Variants in UMODL1 observed in about 807,000 individuals in gnomAD.
UMODL1 encodes the protein uromodulin like 1, also known as uromodulin-like 1.
UMODL1 carries 128 observed loss-of-function variants against 136.3 expected under a neutral mutation model. That is an observed-to-expected ratio of 0.94 (90% CI 0.81 to 1.09). UMODL1 has a LOEUF of 1.09. UMODL1 is among the 50% of genes least tolerant of loss of function. UMODL1 has a pLI of 0.00. For missense variants in UMODL1, 1,766 were observed against 1,725.6 expected, an observed-to-expected ratio of 1.02 and a Z score of -0.41; for synonymous variants, 721 against 720.0, an observed-to-expected ratio of 1.00 and a Z score of -0.02.
chr21:42,121,032 G>A, intron 15 of UMODL1, 55 bp from the exon 16 acceptor site: 2 of 1,571,842 alleles, frequency 1.3e-6, no homozygotes, highest in African/African-American at 1.4e-5. Context: ...AGGCTGCTGT[G>A]AGACCACAAG....
chr21:42,102,177 T>C lies in UMODL1; in HGVS notation c.1198T>C (p.Phe400Leu). The part of the protein sequence containing the change: ...TLTIKTNAQV[F>L]EVTIKIVNHN... ...ACTGTCTGTCTCAGATGCCCAGGTATTTGAAGTCACAATAAAGATTGTAAA... is the reference window on the plus strand; with the variant it reads ...ACTGTCTGTCTCAGATGCCCAGGTACTTGAAGTCACAATAAAGATTGTAAA... Residue 400 changes from phenylalanine to leucine, a missense_variant, in exon 8 of 23, where the codon TTT (phenylalanine) becomes CTT (leucine). Physicochemically the swap from Phe to Leu is conservative, Grantham distance 22 (BLOSUM62 0). Transcript: ENST00000408910. The C allele has an allele frequency of 1.2e-6, 2 of 1,612,520 alleles. No homozygotes were observed. The highest frequency in any genetic ancestry group is 1.7e-6 in the Non-Finnish European group (2 of 1,178,960).
intron 2 of UMODL1, among the ~76,000 whole-genome samples, chr21:42,078,224 T>C: frequency 1.2e-5 from 1 of 86,360 alleles, no homozygotes. Flanking sequence ...GAGCAACACC[T>C]CCATCACCAA....
At chr21:42,090,532 A>C in intron 6 of UMODL1, 94 bp downstream of exon 6, 6 of 1,445,094 alleles carry the variant, frequency 4.2e-6, no homozygotes, top group South Asian at 1.3e-5. Context: ...TGCAGCATTC[A>C]CCCCGAGATA....
At chr21:42,128,496 C>T (rs767128988) in intron 20 of UMODL1, among the ~76,000 whole-genome samples, 9 of 138,426 alleles carry the variant, frequency 6.5e-5, no homozygotes, top group Non-Finnish European at 1.1e-4. Context: ...TTCCTGCTCT[C>T]ATCTGAGCTG....
At chr21:42,140,675 C>A (rs962618858) in intron 22 of UMODL1, among the ~76,000 whole-genome samples, 3 of 145,294 alleles carry the variant, frequency 2.1e-5, no homozygotes, top group Admixed American at 6.9e-5. Context: ...AGTGGGGACA[C>A]CAGGTGTCCC....
At chr21:42,089,208 A>G (rs1258746355) in intron 5 of UMODL1, among the ~76,000 whole-genome samples, 1 of 152,214 alleles carries the variant, frequency 6.6e-6, no homozygotes, top group Admixed American at 6.5e-5. Flanking sequence ...AGCAGGAGGC[A>G]GCCAGGCTAG....
At chr21:42,113,882 A>G (rs939341285) in intron 13 of UMODL1, 52 bp downstream of exon 13, 3 of 1,579,612 alleles carry the variant, frequency 1.9e-6, no homozygotes, top group Non-Finnish European at 2.6e-6. Context: ...TATGAAAAAG[A>G]CTTTCTGTGG....
chr21:42,067,816 G>A (rs2066195532), upstream of UMODL1, among the ~76,000 whole-genome samples: 1 of 152,234 alleles, frequency 6.6e-6, no homozygotes, highest in African/African-American at 2.4e-5. Context: ...CCAACCCCAG[G>A]CCGCACCCTC....
Position 42,102,148 on chromosome 21 carries a change from T to A in UMODL1, c.1187-18T>A, listed in dbSNP as rs771243398. On this transcript the variant is annotated intron_variant, in intron 7 of 22. Coordinates refer to ENST00000408910, the MANE Select transcript of UMODL1 (RefSeq NM_001004416.3). ...TGACTTTTGACCACAGGCTAATTTG[T>A]TTCACTGTCTGTCTCAGATGCCCAG... is the stretch of plus-strand genomic sequence containing the variant. The A allele has an allele frequency of 2.5e-6, 4 of 1,588,142 alleles. No individual in the cohort carries two copies. The South Asian group carries it at 3.3e-5, about 13-fold the overall frequency.
At position 42,099,910 on chromosome 21, in the gene UMODL1, G is replaced by A. The variant is rs1326361885; in HGVS notation, c.1186+730G>A. Among the ~76,000 whole-genome samples, 2 of 152,106 alleles carry A rather than the reference G, an allele frequency of 1.3e-5. No homozygotes were observed. On this transcript the variant is annotated intron_variant, in intron 7 of 22. Transcript: ENST00000408910. This position sits in a 1 kb window ranked among gnomAD's most constrained non-coding sequence, Gnocchi z 4.1. ...TGCTCAGGCTGGTGTCAAACTCCTG[G>A]GCTCAAGTGATCTCAGGAGGCAACT...
chr21:42,127,042 G>A lies in UMODL1; in HGVS notation c.3330G>A (p.Gly1110=), dbSNP rs202144748. The stretch of plus-strand genomic sequence containing the variant: ...TCATCGAGGACCTCCACGGCGCTGG[G>A]AATTTTGTTACCGAAATGCAGTTGT... ...YTIIEDLHGA[G]NFVTEMQLFI... is the part of the protein sequence containing the mutation. Residue 1110 remains glycine, a synonymous_variant, in exon 19 of 23, where the codon GGG becomes GGA. Transcript: ENST00000408910. The A allele has an allele frequency of 2.1e-5, 34 of 1,614,190 alleles. No homozygotes were observed. Among genetic ancestry groups the A allele is most frequent in the Non-Finnish European group, 2.7e-5 (32 of 1,180,032 alleles).
chr21:42,121,039 C>G (rs778979845), intron 15 of UMODL1, 48 bp from the exon 16 acceptor site: 2 of 1,576,302 alleles, frequency 1.3e-6, no homozygotes, highest in African/African-American at 1.4e-5. Context: ...TGTGAGACCA[C>G]AAGCCCCCAG....
intron 2 of UMODL1, among the ~76,000 whole-genome samples, chr21:42,082,761 C>T (rs1452309839): frequency 3.9e-5 from 6 of 152,202 alleles, no homozygotes; most frequent in South Asian, 2.1e-4. Context: ...TCTGCGGCAT[C>T]GGGCACACGC....
At chr21:42,069,093 G>A (rs773222495), upstream of UMODL1, among the ~76,000 whole-genome samples, 1 of 152,236 alleles carries the variant, frequency 6.6e-6, no homozygotes, top group African/African-American at 2.4e-5. Context: ...GTGGGTTACA[G>A]TATGGGGTTG....
intron 18 of UMODL1, 60 bp downstream of exon 18, chr21:42,126,550 G>C: frequency 2.5e-6 from 4 of 1,611,096 alleles, no homozygotes; most frequent in Non-Finnish European, 3.4e-6. Flanking sequence ...CCTGCGCTTT[G>C]AGAGTTCTTT....
In UMODL1 at chr21:42,093,996, T is replaced by C; in HGVS notation, c.931+3558T>C. 3 of 455,284 alleles carry C rather than the reference T, an allele frequency of 6.6e-6. 1 individual carries two copies. In the Middle Eastern group the frequency reaches 9.8e-4, roughly 149 times the overall value. The allele number at this position is 455,284 out of a possible 1,614,324, so 28.2% of individuals were successfully genotyped here. A position where few individuals can be genotyped will look rare whatever the true frequency, so the allele number is the denominator to read the frequency against. ...GCTTCCAGGGTGAGAATCCTGTCCC[T>C]TTCGTGAGCACAGAAGGTTGGAAAA... is the stretch of plus-strand genomic sequence containing the variant. On this transcript the variant is annotated intron_variant, in intron 6 of 22. Transcript: ENST00000408910.
chr21:42,116,172 CAAAAAAAAA>C (rs56162491), intron 14 of UMODL1, among the ~76,000 whole-genome samples, 187 bp downstream of exon 14: 150 of 75,052 alleles, frequency 2.0e-3, no homozygotes, highest in African/African-American at 7.8e-3. Context: ...CCATCTCCAC[CAAAAAAAAA>C]AAAAAAAAAA....
intron 13 of UMODL1, 117 bp from the exon 14 acceptor site, chr21:42,115,756 G>T (rs2066893770): frequency 2.7e-6 from 2 of 746,896 alleles, no homozygotes; most frequent in Non-Finnish European, 4.4e-6. Flanking sequence ...CTAGAACACG[G>T]GTTGGCTTTG....
intron 1 of UMODL1, among the ~76,000 whole-genome samples, chr21:42,072,582 C>T (rs1053730220): frequency 6.6e-6 from 1 of 152,214 alleles, no homozygotes; most frequent in Non-Finnish European, 1.5e-5. Flanking sequence ...CAACCCCACA[C>T]GTGGTCGCCC....
Sources: gnomAD v4.1 joint callset for allele counts (sites outside exome capture counted in the v4.1 genomes callset) on GRCh38, gnomAD v4.1.1 for gene constraint, Gnocchi (gnomAD v3.1) non-coding constraint, MANE v1.5 for transcripts, NCBI Gene and HGNC (gene_info 2026-07-23, HGNC 2026-07-21) for gene names.